URI1: variants seen among roughly 807,000 people sequenced by gnomAD.
URI1 encodes the protein URI1 prefoldin like chaperone, also known as unconventional prefoldin RPB5 interactor 1.
In URI1, 39 loss-of-function variants were observed where a neutral mutation model predicts 60.2. The observed-to-expected ratio is 0.65, with a 90% CI of 0.50 to 0.85. The LOEUF (loss-of-function observed/expected upper bound fraction) is 0.85, where lower values mean the gene tolerates loss of function less well. Among genes scored for constraint, URI1 ranks in the 40% least tolerant of loss-of-function variants. The pLI, the probability that URI1 is intolerant of heterozygous loss-of-function variation, is 0.00. For synonymous variants in URI1, 251 were observed against 236.8 expected (o/e 1.06, Z -0.55); for missense variants, 691 against 665.9 (o/e 1.04, Z -0.42).
At chr19:30,006,928 T>C (rs1056185547) in intron 6 of URI1, among the ~76,000 whole-genome samples, 4 of 152,114 alleles carry the variant, frequency 2.6e-5, no homozygotes, top group African/African-American at 9.7e-5. Context: ...AAAATGATAA[T>C]AGAACTTTAC....
In URI1 at chr19:29,942,579, AC is replaced by A; in HGVS notation, c.36del (p.Ser13ArgfsTer42). On this transcript the variant is annotated frameshift_variant, in exon 1 of 11. Transcript: ENST00000392271. LOFTEE classifies it high-confidence loss of function. MEAPTVETPP[D>X]PSPPSAPAPA... ...GCGCCCACCGTGGAGACGCCCCCCG[AC>A]CCCTCGCCCCCTTCGGCCCCGGCCC... is the stretch of plus-strand genomic sequence containing the variant. 1 of 1,376,362 alleles carries A rather than the reference AC, an allele frequency of 7.3e-7. No individual in the cohort carries two copies. Among genetic ancestry groups the A allele is most frequent in the Non-Finnish European group, 9.4e-7 (1 of 1,063,626 alleles). The allele number at this position is 1,376,362 out of a possible 1,614,324, so 85.3% of individuals were successfully genotyped here.
At chr19:29,995,488 T>A (rs2055799933) in intron 4 of URI1, among the ~76,000 whole-genome samples, 1 of 152,036 alleles carries the variant, frequency 6.6e-6, no homozygotes, top group South Asian at 2.1e-4. Context: ...GAAGTGTAAT[T>A]TGCAAATATT....
upstream of URI1, among the ~76,000 whole-genome samples, chr19:29,939,940 G>C (rs2055007391): frequency 6.6e-6 from 1 of 152,130 alleles, no homozygotes; most frequent in Non-Finnish European, 1.5e-5. Flanking sequence ...GGTTGCTGTG[G>C]GAAGCCATGG....
intron 1 of URI1, among the ~76,000 whole-genome samples, chr19:29,954,446 G>A (rs1316137386): frequency 6.6e-6 from 1 of 150,438 alleles, no homozygotes; most frequent in Non-Finnish European, 1.5e-5. Flanking sequence ...TAAATCAAAA[G>A]TTATCCCTAC....
intron 1 of URI1, among the ~76,000 whole-genome samples, chr19:29,966,716 C>T (rs2055395680): frequency 6.6e-6 from 1 of 152,198 alleles, no homozygotes; most frequent in Non-Finnish European, 1.5e-5. Flanking sequence ...TTGGCTTCAG[C>T]TCCCACTGAT....
chr19:30,001,412 G>T (rs568580554), intron 4 of URI1, among the ~76,000 whole-genome samples: 1 of 151,854 alleles, frequency 6.6e-6, no homozygotes, highest in Non-Finnish European at 1.5e-5. Context: ...CAGGCTGGGC[G>T]TTTCAAGGTT....
rs1017003844 is a variant in URI1 at position 30,007,718 on chromosome 19, A to G, written c.686+80A>G. 2.4e-6 allele frequency: 3 copies of G among 1,276,148 alleles called. No homozygotes were observed. The African/African-American group carries it at 4.6e-5, about 20-fold the overall frequency. 79.1% of individuals were successfully genotyped at this position (1,276,148 alleles called of 1,614,324 possible). A position where few individuals can be genotyped will look rare whatever the true frequency, so the allele number is the denominator to read the frequency against. ...CATTAATCTTTTTCTTCATTAATAA[A>G]ATAATATGTGTTCATTGAAGAAAAT... is the stretch of plus-strand genomic sequence containing the variant. On this transcript the variant is annotated intron_variant, in intron 7 of 10. Coordinates refer to ENST00000392271, the MANE Select transcript of URI1 (RefSeq NM_003796.3).
intron 1 of URI1, chr19:29,923,781 G>C: frequency 6.5e-7 from 1 of 1,532,568 alleles, no homozygotes; most frequent in Non-Finnish European, 8.7e-7. Flanking sequence ...CAGTGTTATA[G>C]CTTCTCTGCT....
At chr19:29,950,055 T>C (rs2055160531) in intron 1 of URI1, among the ~76,000 whole-genome samples, 1 of 152,250 alleles carries the variant, frequency 6.6e-6, no homozygotes, top group African/African-American at 2.4e-5. Context: ...CAGAACTCAT[T>C]ACTTGTAAGT....
intron 4 of URI1, among the ~76,000 whole-genome samples, chr19:29,991,422 A>G (rs1250149773): frequency 2.0e-5 from 3 of 152,218 alleles, no homozygotes; most frequent in African/African-American, 7.2e-5. Flanking sequence ...GTATATAGAA[A>G]TAACTCTTTT....
intron 1 of URI1, among the ~76,000 whole-genome samples, chr19:29,943,146 T>C (rs1430844885): frequency 6.6e-6 from 1 of 152,098 alleles, no homozygotes; most frequent in Non-Finnish European, 1.5e-5. Context: ...AGTCTCACTA[T>C]GTTGCCCAGG....
At chr19:29,979,565 A>G (rs771183223) in intron 2 of URI1, among the ~76,000 whole-genome samples, 13 of 152,142 alleles carry the variant, frequency 8.5e-5, no homozygotes, top group Admixed American at 5.9e-4. Flanking sequence ...CTGTTTTCTC[A>G]TTGTTGAAAA....
intron 4 of URI1, among the ~76,000 whole-genome samples, chr19:30,003,188 C>T (rs2055899305): frequency 6.6e-6 from 1 of 151,910 alleles, no homozygotes. Flanking sequence ...TGTACAAAAT[C>T]GAAATAGGTG....
At chr19:29,952,077 C>T (rs1050397570) in intron 1 of URI1, among the ~76,000 whole-genome samples, 1 of 152,136 alleles carries the variant, frequency 6.6e-6, no homozygotes, top group Non-Finnish European at 1.5e-5. Context: ...CTTCAATATA[C>T]CAGAAAAAGC....
intron 1 of URI1, among the ~76,000 whole-genome samples, chr19:29,934,526 A>G (rs1017052287): frequency 3.3e-5 from 5 of 151,854 alleles, no homozygotes; most frequent in Non-Finnish European, 5.9e-5. Context: ...CACACATGCT[A>G]CTGTTCAGAT....
At chr19:29,979,827 G>T (rs1488426919) in intron 2 of URI1, among the ~76,000 whole-genome samples, 4 of 151,934 alleles carry the variant, frequency 2.6e-5, no homozygotes, top group Admixed American at 2.0e-4. Context: ...GAATTTTGTG[G>T]TACATTTCAG....
intron 4 of URI1, among the ~76,000 whole-genome samples, chr19:30,003,350 G>GAT (rs1014100287): frequency 5.9e-5 from 9 of 151,942 alleles, no homozygotes; most frequent in Admixed American, 5.3e-4. Flanking sequence ...ATTTAATAGA[G>GAT]ATATATATCT....
At chr19:29,984,584 T>C (rs540770210) in intron 2 of URI1, among the ~76,000 whole-genome samples, 1 of 152,324 alleles carries the variant, frequency 6.6e-6, no homozygotes, top group Admixed American at 6.5e-5. Flanking sequence ...AGTATTCTGC[T>C]TCTAAATGCC....
intron 2 of URI1, among the ~76,000 whole-genome samples, chr19:29,978,198 T>C (rs2055549495): frequency 6.6e-6 from 1 of 152,224 alleles, no homozygotes; most frequent in Non-Finnish European, 1.5e-5. Flanking sequence ...AACGCACTTC[T>C]GAAAATGAAA....
Sources: gnomAD v4.1 joint callset for allele counts (sites outside exome capture counted in the v4.1 genomes callset) on GRCh38, gnomAD v4.1.1 for gene constraint, MANE v1.5 for transcripts, NCBI Gene and HGNC (gene_info 2026-07-23, HGNC 2026-07-21) for gene names.